Variants in EPB41 observed in about 807,000 individuals in gnomAD.
EPB41 encodes protein 4.1.
A neutral mutation model predicts 108.0 loss-of-function variants in EPB41; 65 were observed. The observed-to-expected ratio is 0.60, with a 90% CI of 0.49 to 0.74. The LOEUF (loss-of-function observed/expected upper bound fraction) is 0.74. EPB41 is among the 30% of genes least tolerant of loss of function. The pLI is 0.00. For missense variants in EPB41, 875 were observed against 1,037.0 expected, an observed-to-expected ratio of 0.84 and a Z score of 2.15; for synonymous variants, 336 against 358.9, an observed-to-expected ratio of 0.94 and a Z score of 0.72.
chr1:28,982,164 G>C (rs1056005095), intron 1 of EPB41: 1 of 313,554 alleles, frequency 3.2e-6, no homozygotes. Flanking sequence ...TTGTCCTTGC[G>C]ATAGTTTGCT....
At chr1:29,004,291 G>A (rs1367244994) in intron 4 of EPB41, among the ~76,000 whole-genome samples, 1 of 152,074 alleles carries the variant, frequency 6.6e-6, no homozygotes, top group Admixed American at 6.6e-5. Flanking sequence ...TTTTAAATTA[G>A]GACTACATGC....
chr1:29,115,969 G>A lies in EPB41; in HGVS notation c.*6+166G>A, dbSNP rs938712274. ...TGATGTGGGAGATATAGGAAATTAA[G>A]TATTTGGCTCCAACTAAAGCAGCCT... is the stretch of plus-strand genomic sequence containing the variant. On this transcript the variant is annotated intron_variant, in intron 20 of 20. Transcript: ENST00000343067. The surrounding 1 kb of genome is among the most constrained non-coding windows in gnomAD (Gnocchi z 4.4). Among the ~76,000 whole-genome samples, 24 of 152,272 alleles carry A rather than the reference G, an allele frequency of 1.6e-4. No individual in the cohort carries two copies. Among genetic ancestry groups the A allele is most frequent in the African/African-American group, 5.8e-4 (24 of 41,554 alleles).
chr1:28,905,703 A>G (rs999321327), intron 1 of EPB41, among the ~76,000 whole-genome samples: 2 of 151,958 alleles, frequency 1.3e-5, no homozygotes, highest in African/African-American at 4.8e-5. Context: ...GTGGCAGCTG[A>G]GCTGATGAAG....
intron 1 of EPB41, chr1:28,890,005 A>AT (rs1468562497): frequency 4.0e-5 from 6 of 151,566 alleles, no homozygotes; most frequent in African/African-American, 1.5e-4. Context: ...CTGATATTTT[A>AT]TTTTATTTTT....
At chr1:29,010,093 T>C (rs1246695012) in intron 4 of EPB41, among the ~76,000 whole-genome samples, 2 of 152,048 alleles carry the variant, frequency 1.3e-5, no homozygotes, top group Non-Finnish European at 2.9e-5. Flanking sequence ...TCTCAGCACT[T>C]TGGGAGGCCG....
intron 5 of EPB41, among the ~76,000 whole-genome samples, chr1:29,013,794 G>A (rs2096540175): frequency 6.9e-6 from 1 of 144,734 alleles, no homozygotes; most frequent in Non-Finnish European, 1.5e-5. Flanking sequence ...CTCCCAAAGT[G>A]TTGGGATTAC....
chr1:28,902,209 C>T (rs2091385864), intron 1 of EPB41: 2 of 985,262 alleles, frequency 2.0e-6, no homozygotes. Context: ...TTTGTCAGAT[C>T]ATACTTTAGC....
At chr1:28,992,486 A>G (rs1198804658) in intron 2 of EPB41, among the ~76,000 whole-genome samples, 2 of 152,184 alleles carry the variant, frequency 1.3e-5, no homozygotes, top group African/African-American at 4.8e-5. Context: ...CAGGAGATCA[A>G]AACCATCCTG....
intron 1 of EPB41, among the ~76,000 whole-genome samples, chr1:28,950,767 A>C (rs1184346503): frequency 1.3e-5 from 2 of 151,970 alleles, no homozygotes; most frequent in Non-Finnish European, 2.9e-5. Flanking sequence ...CACATTTCCT[A>C]CCTCTCTTTA....
intron 16 of EPB41, chr1:29,096,142 C>T (rs1256268270): frequency 1.0e-6 from 1 of 985,414 alleles, no homozygotes; most frequent in Non-Finnish European, 1.2e-6. Flanking sequence ...TGTATCTGTT[C>T]ATTCATTTGT....
chr1:29,108,148 C>CTTTTTTTTTTTTTT (rs544874657), intron 17 of EPB41, among the ~76,000 whole-genome samples: 1 of 129,160 alleles, frequency 7.7e-6, no homozygotes, highest in Non-Finnish European at 1.7e-5. Flanking sequence ...CCTCTTATTT[C>CTTTTTTTTTTTTTT]TTTTTTTTTT....
intron 7 of EPB41, among the ~76,000 whole-genome samples, chr1:29,019,206 G>A (rs900439360): frequency 5.3e-5 from 8 of 152,086 alleles, no homozygotes; most frequent in Non-Finnish European, 8.8e-5. Flanking sequence ...ACTTGAACCC[G>A]AGTGTTTGGG....
chr1:29,024,634 AAAAT>A lies in EPB41; in HGVS notation c.1125-5754_1125-5751del, dbSNP rs528265136. On this transcript the variant is annotated intron_variant, in intron 7 of 20. Coordinates refer to ENST00000343067, the MANE Select transcript of EPB41 (RefSeq NM_001376013.1). ...GCGACAGAGCGAGACTCCGTCTCAAAAAATAAATAAATAAAAAATATAAATAAAT... is the reference window on the plus strand; with the variant it reads ...GCGACAGAGCGAGACTCCGTCTCAAAAAATAAATAAAAAATATAAATAAAT... Among the ~76,000 whole-genome samples the A allele has an allele frequency of 3.9e-3, 587 of 151,994 alleles. 17 individuals are homozygous for A. The highest frequency in any genetic ancestry group is 0.013 in the African/African-American group (544 of 41,420).
At chr1:28,963,344 CGTGTGT>C (rs57558766) in intron 1 of EPB41, among the ~76,000 whole-genome samples, 14,300 of 146,132 alleles carry the variant, frequency 0.098, 877 homozygotes, top group African/African-American at 0.19. Flanking sequence ...AAATCAGAAT[CGTGTGT>C]GTGTGTGTGT....
chr1:29,081,592 T>C (rs561377156), intron 16 of EPB41, among the ~76,000 whole-genome samples: 2 of 152,298 alleles, frequency 1.3e-5, no homozygotes, highest in East Asian at 3.9e-4. Context: ...TCCCAGTACT[T>C]TGGGAGGCCG....
At chr1:29,114,440 C>G (rs746013512) in intron 19 of EPB41, among the ~76,000 whole-genome samples, 120 of 152,032 alleles carry the variant, frequency 7.9e-4, no homozygotes, top group Non-Finnish European at 1.2e-3. Flanking sequence ...GTCAGGAGTT[C>G]GAGACCAGCC....
chr1:28,890,124 A>G (rs913712711), intron 1 of EPB41, among the ~76,000 whole-genome samples: 2 of 151,696 alleles, frequency 1.3e-5, no homozygotes, highest in Admixed American at 6.6e-5. Flanking sequence ...TGCAACCTTC[A>G]CCTCCTGGAT....
rs566280454 is a variant in EPB41 at position 29,092,656 on chromosome 1, A to AAG, written c.2185-5150_2185-5149dup. Among the ~76,000 whole-genome samples the AAG allele has an allele frequency of 8.7e-4, 132 of 152,240 alleles. 1 individual carries two copies. The highest frequency in any genetic ancestry group is 3.1e-3 in the African/African-American group (129 of 41,562). On this transcript the variant is annotated intron_variant, in intron 16 of 20. Coordinates refer to ENST00000343067, the MANE Select transcript of EPB41 (RefSeq NM_001376013.1). Reference sequence around the variant, plus strand: ...CAGATTATTTTGTCACCCAAGTACTAAGCCTGGTACCCAATGGTTATTTTT... The same window carrying AAG: ...CAGATTATTTTGTCACCCAAGTACTAAGAGCCTGGTACCCAATGGTTATTTTT...
intron 16 of EPB41, among the ~76,000 whole-genome samples, chr1:29,078,239 G>A (rs1182759544): frequency 6.6e-6 from 1 of 152,052 alleles, no homozygotes; most frequent in Non-Finnish European, 1.5e-5. Flanking sequence ...AAAAGAGGGG[G>A]TGAGATTTGG....
Sources: allele counts gnomAD v4.1 joint callset (sites outside exome capture counted in the v4.1 genomes callset), GRCh38; gene constraint gnomAD v4.1.1; non-coding constraint Gnocchi (gnomAD v3.1); transcripts MANE v1.5; gene names NCBI Gene and HGNC (gene_info 2026-07-23, HGNC 2026-07-21).